Variants in FAM222B observed in about 807,000 individuals in gnomAD.
FAM222B encodes the protein family with sequence similarity 222 member B, also known as protein FAM222B.
A neutral mutation model predicts 38.0 loss-of-function variants in FAM222B; 12 were observed. The observed-to-expected ratio is 0.32, with a 90% CI of 0.20 to 0.51. The LOEUF (loss-of-function observed/expected upper bound fraction) is 0.51, where lower values mean the gene tolerates loss of function less well. Among genes scored for constraint, FAM222B ranks in the 20% least tolerant of loss-of-function variants. The pLI is 0.97. For synonymous variants in FAM222B, 329 were observed against 317.2 expected, an observed-to-expected ratio of 1.04 and a Z score of -0.40; for missense variants, 716 against 754.2, an observed-to-expected ratio of 0.95 and a Z score of 0.59.
chr17:28,810,934 G>T (rs1376748620), intron 1 of FAM222B, among the ~76,000 whole-genome samples: 2 of 152,080 alleles, frequency 1.3e-5, no homozygotes, highest in Non-Finnish European at 2.9e-5. Context: ...AGCCAAAAGT[G>T]TAAGACAGCT....
Position 28,758,969 on chromosome 17 carries a change from G to T in FAM222B, c.990C>A (p.Thr330=). 6.2e-7 allele frequency: 1 copy of T among 1,611,548 alleles called. No homozygotes were observed. The highest frequency in any genetic ancestry group is 1.1e-5 in the South Asian group (1 of 90,546). The change falls in exon 3 of 3, where the codon ACC becomes ACA. Residue 330 remains threonine, a synonymous_variant. Coordinates refer to ENST00000581407, the MANE Select transcript of FAM222B (RefSeq NM_001077498.3). ...PSCVVNPMEH[T]HAATAALPAA... ...CAGGCAACGCGGCGGTGGCCGCGTG[G>T]GTGTGCTCCATGGGATTGACCACAC... is the stretch of plus-strand genomic sequence containing the variant.
Position 28,822,630 on chromosome 17 carries a change from A to AAAT in FAM222B, c.-41+20049_-41+20051dup, listed in dbSNP as rs556788419. 6.5e-3 allele frequency among the ~76,000 whole-genome samples: 933 copies of AAAT among 142,838 alleles called. 12 individuals are homozygous for AAAT. The highest frequency in any genetic ancestry group is 7.4e-3 in the Non-Finnish European group (482 of 65,144). 93.7% of individuals were successfully genotyped at this position (142,838 alleles called of 152,430 possible). A position where few individuals can be genotyped will look rare whatever the true frequency, so the allele number is the denominator to read the frequency against. ...AACAAGAGCGAAACTCCACCACAAA[A>AAAT]AATAATAATAATAATACAAAATTAG... On this transcript the variant is annotated intron_variant, in intron 1 of 2. Transcript: ENST00000581407.
intron 1 of FAM222B, among the ~76,000 whole-genome samples, chr17:28,825,674 C>T (rs914010042): frequency 6.6e-6 from 1 of 152,112 alleles, no homozygotes; most frequent in Admixed American, 6.6e-5. Context: ...TCTTAAATGC[C>T]ATATCCTTAG....
rs59098589 is a variant in FAM222B, at chr17:28,778,719, A to ATTTTTT, written c.-40-12018_-40-12013dup. Among the ~76,000 whole-genome samples the ATTTTTT allele has an allele frequency of 2.7e-3, 69 of 25,496 alleles. 2 individuals are homozygous for ATTTTTT. The highest frequency in any genetic ancestry group is 3.4e-3 in the East Asian group (3 of 874). 16.7% of individuals were successfully genotyped at this position (25,496 alleles called of 152,430 possible). On this transcript the variant is annotated intron_variant, in intron 1 of 2. Coordinates refer to ENST00000581407, the MANE Select transcript of FAM222B (RefSeq NM_001077498.3). The stretch of plus-strand genomic sequence containing the variant: ...TGTGTATATATATATATATATATAT[A>ATTTTTT]TTTTTTTTTTTTTTTTTTTTTTTTT...
At position 28,756,837 on chromosome 17, in the gene FAM222B, A is replaced by G. The variant is rs2034721404; in HGVS notation, c.*1433T>C. 6.6e-6 allele frequency: 1 copy of G among 152,560 alleles called. No individual in the cohort carries two copies. The highest frequency in any genetic ancestry group is 6.5e-5 in the Admixed American group (1 of 15,278). The allele number at this position is 152,560 out of a possible 1,614,324, so 9.5% of individuals were successfully genotyped here. On this transcript the variant is annotated 3_prime_UTR_variant, in exon 3 of 3. Coordinates refer to ENST00000581407, the MANE Select transcript of FAM222B (RefSeq NM_001077498.3). ...TCACTAGAGAATTTCTGGCTAACGA[A>G]CAGTAGTGGATAGTGAACAAAATGC...
intron 2 of FAM222B, among the ~76,000 whole-genome samples, chr17:28,766,116 G>T (rs553431490): frequency 6.6e-6 from 1 of 152,150 alleles, no homozygotes; most frequent in East Asian, 1.9e-4. Context: ...AAAGCTATCA[G>T]CAACAATTAA....
intron 1 of FAM222B, among the ~76,000 whole-genome samples, chr17:28,822,832 AATATATATATATATATAT>A (rs1254235399): frequency 0.012 from 516 of 42,798 alleles, 25 homozygotes; most frequent in African/African-American, 0.058. Context: ...AAAAAAAAAA[AATATATATATATATATAT>A]ATATATATAT....
intron 1 of FAM222B, among the ~76,000 whole-genome samples, chr17:28,814,770 C>CTTTTT (rs35921944): frequency 4.3e-5 from 5 of 117,602 alleles, no homozygotes; most frequent in Non-Finnish European, 8.7e-5. Flanking sequence ...CCAGGCCGAT[C>CTTTTT]TTTTTTTTTT....
chr17:28,796,311 A>G (rs552739654), intron 1 of FAM222B, among the ~76,000 whole-genome samples: 1 of 152,366 alleles, frequency 6.6e-6, no homozygotes, highest in South Asian at 2.1e-4. Context: ...ACTGCTAATG[A>G]TAATTTGTGG....
At position 28,756,626 on chromosome 17, in the gene FAM222B, T is replaced by A. The variant is rs1251222207; in HGVS notation, c.*1644A>T. On this transcript the variant is annotated 3_prime_UTR_variant, in exon 3 of 3. Transcript: ENST00000581407. ...AGAAGCTACAGGTGCTCCTGGGGGATCAGGACAGGGAGGTACCAGTGTTCA... is the reference window on the plus strand; with the variant it reads ...AGAAGCTACAGGTGCTCCTGGGGGAACAGGACAGGGAGGTACCAGTGTTCA... 6.6e-6 allele frequency: 1 copy of A among 152,440 alleles called. No individual in the cohort carries two copies. Among genetic ancestry groups the A allele is most frequent in the Non-Finnish European group, 1.5e-5 (1 of 68,054 alleles). The allele number at this position is 152,440 out of a possible 1,614,324, so 9.4% of individuals were successfully genotyped here.
intron 1 of FAM222B, among the ~76,000 whole-genome samples, chr17:28,802,149 C>T (rs958655270): frequency 1.8e-4 from 27 of 149,964 alleles, no homozygotes; most frequent in African/African-American, 6.4e-4. Flanking sequence ...ATGGTGTGAT[C>T]GGCAATGGTG....
At chr17:28,834,408 C>T (rs2038769601) in intron 1 of FAM222B, 1 of 152,130 alleles carries the variant, frequency 6.6e-6, no homozygotes, top group Non-Finnish European at 1.5e-5. Context: ...TTCTTCTACT[C>T]CTTCCTCATA....
chr17:28,774,440 A>C (rs933680577), intron 1 of FAM222B, among the ~76,000 whole-genome samples: 14 of 152,144 alleles, frequency 9.2e-5, no homozygotes, highest in South Asian at 2.1e-4. Flanking sequence ...TACGTTAGCT[A>C]CCCAAGGCAG....
intron 1 of FAM222B, among the ~76,000 whole-genome samples, chr17:28,780,116 T>G (rs1005006402): frequency 1.3e-5 from 2 of 151,796 alleles, no homozygotes; most frequent in Non-Finnish European, 2.9e-5. Flanking sequence ...GGACTATAGG[T>G]GCATGCCACC....
intron 1 of FAM222B, among the ~76,000 whole-genome samples, chr17:28,838,675 G>C (rs1598056378): frequency 6.6e-6 from 1 of 152,126 alleles, no homozygotes; most frequent in Non-Finnish European, 1.5e-5. Flanking sequence ...GGGAGGCCGA[G>C]GCAGGCGGAT....
At chr17:28,822,882 T>TAC (rs1440142067) in intron 1 of FAM222B, among the ~76,000 whole-genome samples, 12 of 107,498 alleles carry the variant, frequency 1.1e-4, no homozygotes, top group Middle Eastern at 5.4e-3. Context: ...TATATATATA[T>TAC]ACACACACAC....
intron 1 of FAM222B, among the ~76,000 whole-genome samples, chr17:28,853,935 C>G (rs1407305249): frequency 2.0e-5 from 3 of 146,878 alleles, no homozygotes; most frequent in Non-Finnish European, 4.5e-5. Context: ...AAGTTTATCT[C>G]TGTTTCTTTT....
intron 1 of FAM222B, among the ~76,000 whole-genome samples, chr17:28,854,751 G>A (rs2039214297): frequency 6.6e-6 from 1 of 152,198 alleles, no homozygotes; most frequent in Admixed American, 6.5e-5. Context: ...TCTTTTAGGA[G>A]ACATGGCCAG....
At chr17:28,815,855 T>C (rs2151936791) in intron 1 of FAM222B, among the ~76,000 whole-genome samples, 1 of 151,490 alleles carries the variant, frequency 6.6e-6, no homozygotes, top group Middle Eastern at 3.4e-3. Flanking sequence ...TAATCCCAGC[T>C]ACTCAGCAGG....
Sources: allele counts gnomAD v4.1 joint callset (sites outside exome capture counted in the v4.1 genomes callset), GRCh38; gene constraint gnomAD v4.1.1; transcripts MANE v1.5; gene names NCBI Gene and HGNC (gene_info 2026-07-23, HGNC 2026-07-21).